TBXAS1: variants seen among roughly 807,000 people sequenced by gnomAD.
TBXAS1 encodes the protein thromboxane-A synthase.
In TBXAS1, 48 loss-of-function variants were observed where a neutral mutation model predicts 60.7. That is an observed-to-expected ratio of 0.79 (90% CI 0.63 to 1.01). The LOEUF is 1.01. Among genes scored for constraint, TBXAS1 ranks in the 50% least tolerant of loss-of-function variants. TBXAS1 has a pLI of 0.00. For missense variants in TBXAS1, 685 were observed against 686.3 expected, an observed-to-expected ratio of 1.00 and a Z score of 0.02; for synonymous variants, 287 against 269.7, an observed-to-expected ratio of 1.06 and a Z score of -0.63.
intron 3 of TBXAS1, among the ~76,000 whole-genome samples, chr7:139,878,250 G>C (rs966756742): frequency 6.6e-6 from 1 of 151,890 alleles, no homozygotes; most frequent in Non-Finnish European, 1.5e-5. Flanking sequence ...GAGAGAGAGA[G>C]AGGAGAGAGA....
At chr7:140,000,189 C>A (rs1277562287) in intron 9 of TBXAS1, among the ~76,000 whole-genome samples, 1 of 152,122 alleles carries the variant, frequency 6.6e-6, no homozygotes, top group Non-Finnish European at 1.5e-5. Context: ...TCAGGTTAAT[C>A]TATTGTATTT....
intron 2 of TBXAS1, among the ~76,000 whole-genome samples, chr7:139,875,353 A>C (rs1802148338): frequency 6.6e-6 from 1 of 152,234 alleles, no homozygotes. Context: ...AAGTATACAT[A>C]AGTAGTTTAA....
chr7:140,002,852 G>A lies in TBXAS1; in HGVS notation c.1135-4239G>A, dbSNP rs556107256. Reference sequence around the variant, plus strand: ...AATCTGGCTGTTTCTGGCTGGGCGCGGTGGCTCACACCTGTAATCCCAGCA... The same window carrying A: ...AATCTGGCTGTTTCTGGCTGGGCGCAGTGGCTCACACCTGTAATCCCAGCA... On this transcript the variant is annotated intron_variant, in intron 9 of 12. Coordinates refer to ENST00000448866, the MANE Select transcript of TBXAS1 (RefSeq NM_001061.7). Among the ~76,000 whole-genome samples the A allele has an allele frequency of 7.6e-4, 116 of 152,100 alleles. 1 individual carries two copies. The highest frequency in any genetic ancestry group is 2.1e-3 in the Admixed American group (32 of 15,280).
chr7:139,898,413 C>CTTTT lies in TBXAS1; in HGVS notation c.237-12783_237-12780dup, dbSNP rs71170921. Among the ~76,000 whole-genome samples the CTTTT allele has an allele frequency of 3.3e-3, 273 of 82,240 alleles. 25 individuals are homozygous for CTTTT. The highest frequency in any genetic ancestry group is 8.9e-3 in the African/African-American group (182 of 20,480). The allele number at this position is 82,240 out of a possible 152,430, so 54.0% of individuals were successfully genotyped here. On this transcript the variant is annotated intron_variant, in intron 3 of 12. Transcript: ENST00000448866. The stretch of plus-strand genomic sequence containing the variant: ...ATCAGAAGTTTCCCAACGTGCATGG[C>CTTTT]TTTTTTTTTTTTTTTTTTTTTTTTT...
intron 10 of TBXAS1, among the ~76,000 whole-genome samples, chr7:140,010,740 T>C (rs931777741): frequency 2.6e-5 from 4 of 152,146 alleles, no homozygotes; most frequent in Middle Eastern, 3.2e-3. Context: ...TCTGTTCCTG[T>C]CTGTTACATG....
intron 1 of TBXAS1, among the ~76,000 whole-genome samples, chr7:139,867,490 A>G (rs1398795685): frequency 6.6e-6 from 1 of 152,194 alleles, no homozygotes; most frequent in Admixed American, 6.5e-5. Flanking sequence ...CTTTGGCTAA[A>G]CAATGGGCTA....
Position 139,778,419 on chromosome 7 carries a change from C to G in TBXAS1, c.-370C>G, listed in dbSNP as rs1796850481. On this transcript the variant is annotated 5_prime_UTR_variant, in exon 1 of 17. Coordinates refer to the TBXAS1 transcript ENST00000336425. The surrounding 1 kb of genome is among the most constrained non-coding windows in gnomAD (Gnocchi z 4.8). ...GGAGGGAACCGACCCGAAAGAGAGC[C>G]CCACGCTGGCAAAGTGGCTCGCCCA... 1 of 153,354 alleles carries G rather than the reference C, an allele frequency of 6.5e-6. No homozygotes were observed. Among genetic ancestry groups the G allele is most frequent in the Non-Finnish European group, 1.5e-5 (1 of 68,278 alleles). 9.5% of individuals were successfully genotyped at this position (153,354 alleles called of 1,614,324 possible).
intron 9 of TBXAS1, among the ~76,000 whole-genome samples, chr7:139,965,248 G>C (rs1233305870): frequency 6.6e-6 from 1 of 151,848 alleles, no homozygotes. Context: ...TGTTATTATG[G>C]GGCTGTACAG....
intron 9 of TBXAS1, among the ~76,000 whole-genome samples, chr7:139,968,845 G>A (rs146472664): frequency 1.2e-3 from 183 of 152,244 alleles, no homozygotes; most frequent in Non-Finnish European, 2.0e-3. Context: ...GTGGGAAAAG[G>A]TTTGTACCAT....
chr7:139,780,824 T>C (rs1796960062), exon 2 of TBXAS1: 1 of 154,406 alleles, frequency 6.5e-6, no homozygotes, highest in South Asian at 2.0e-4. Context: ...TTGTCTTCTG[T>C]GTAGGTACCC....
chr7:139,790,987 A>G (rs1417278817), intron 4 of TBXAS1, among the ~76,000 whole-genome samples: 1 of 152,092 alleles, frequency 6.6e-6, no homozygotes, highest in Non-Finnish European at 1.5e-5. Context: ...ATGTTTTTGT[A>G]GAGATGGAGT....
At chr7:139,861,906 G>A (rs1403887537) in intron 1 of TBXAS1, among the ~76,000 whole-genome samples, 1 of 152,148 alleles carries the variant, frequency 6.6e-6, no homozygotes, top group African/African-American at 2.4e-5. Context: ...TTTAATCTCT[G>A]CTTCCAGGCA....
At chr7:139,902,235 C>T (rs1236802026) in intron 3 of TBXAS1, among the ~76,000 whole-genome samples, 1 of 151,924 alleles carries the variant, frequency 6.6e-6, no homozygotes, top group Non-Finnish European at 1.5e-5. Flanking sequence ...ACCATAAGCT[C>T]TCTAGAACTA....
intron 2 of TBXAS1, among the ~76,000 whole-genome samples, chr7:139,873,407 C>T (rs1431211900): frequency 6.6e-6 from 1 of 152,174 alleles, no homozygotes; most frequent in Admixed American, 6.5e-5. Context: ...AGCTGTAGAA[C>T]CCAACTGTTG....
intron 3 of TBXAS1, among the ~76,000 whole-genome samples, chr7:139,786,694 A>G (rs1178249033): frequency 2.6e-4 from 39 of 152,220 alleles, no homozygotes; most frequent in Admixed American, 2.6e-3. Context: ...CCTGCCCAAG[A>G]AAGTAAATTA....
chr7:139,831,238 C>A (rs564653234), intron 1 of TBXAS1, among the ~76,000 whole-genome samples: 1 of 152,232 alleles, frequency 6.6e-6, no homozygotes, highest in East Asian at 1.9e-4. Flanking sequence ...GAGGATACTG[C>A]AGGAGGAGCA....
At chr7:139,884,666 A>G (rs1190871576) in intron 3 of TBXAS1, among the ~76,000 whole-genome samples, 1 of 152,098 alleles carries the variant, frequency 6.6e-6, no homozygotes, top group Non-Finnish European at 1.5e-5. Context: ...AGTCCAGGAG[A>G]GAGCTGTGCA....
At position 139,852,154 on chromosome 7, in the gene TBXAS1, A is replaced by G. The variant is rs1476983012; in HGVS notation, c.90-20081A>G. Among the ~76,000 whole-genome samples, 1 of 152,230 alleles carries G rather than the reference A, an allele frequency of 6.6e-6. No homozygotes were observed. Among genetic ancestry groups the G allele is most frequent in the African/African-American group, 2.4e-5 (1 of 41,472 alleles). ...CTGCTCGCAGACTCCTGACCCTCAG[A>G]ATCTGTGAGATAATGAATGTTTGTT... On this transcript the variant is annotated intron_variant, in intron 1 of 12. Transcript: ENST00000448866. The surrounding 1 kb of genome is among the most constrained non-coding windows in gnomAD (Gnocchi z 4.4).
intron 4 of TBXAS1, among the ~76,000 whole-genome samples, chr7:139,811,792 T>G (rs1313253721): frequency 6.6e-6 from 1 of 152,340 alleles, no homozygotes; most frequent in South Asian, 2.1e-4. Flanking sequence ...GAATGTACTC[T>G]GTTGTGAATG....
Sources: allele counts gnomAD v4.1 joint callset (sites outside exome capture counted in the v4.1 genomes callset), GRCh38; gene constraint gnomAD v4.1.1; non-coding constraint Gnocchi (gnomAD v3.1); transcripts MANE v1.5; gene names NCBI Gene and HGNC (gene_info 2026-07-23, HGNC 2026-07-21).